Variants in C2CD5 observed in about 807,000 individuals in gnomAD.
C2CD5 encodes the protein C2 calcium dependent domain containing 5.
In C2CD5, 109 loss-of-function variants were observed where a neutral mutation model predicts 130.3. The observed-to-expected ratio is 0.84, with a 90% CI of 0.72 to 0.98. The LOEUF (loss-of-function observed/expected upper bound fraction) is 0.98, where lower values mean the gene tolerates loss of function less well. Ranked by LOEUF, C2CD5 falls within the 50% of genes least tolerant of loss-of-function variation. The pLI is 0.00. For synonymous variants in C2CD5, 454 were observed against 429.2 expected (o/e 1.06, Z -0.71); for missense variants, 996 against 1,261.8 (o/e 0.79, Z 3.19).
intron 9 of C2CD5, among the ~76,000 whole-genome samples, chr12:22,512,995 C>A (rs1949355601): frequency 6.6e-6 from 1 of 151,844 alleles, no homozygotes; most frequent in Admixed American, 6.6e-5. Context: ...TTTACCATCT[C>A]CTTTCCAATG....
At chr12:22,526,826 A>C (rs539712033) in intron 4 of C2CD5, among the ~76,000 whole-genome samples, 1 of 152,358 alleles carries the variant, frequency 6.6e-6, no homozygotes, top group East Asian at 1.9e-4. Context: ...ACTTCATGTC[A>C]AATTCATACT....
At position 22,528,021 on chromosome 12, in the gene C2CD5, G is replaced by A. The variant is rs1950883618; in HGVS notation, c.178-129C>T. On this transcript the variant is annotated intron_variant, in intron 3 of 26. Transcript: ENST00000446597. ...ATCTTACAGATTTCTAAGCACCAAA[G>A]TAAAGAAAAGAATTAACACACAAAA... 6 of 470,464 alleles carry A rather than the reference G, an allele frequency of 1.3e-5. No individual in the cohort carries two copies. In the South Asian group the frequency reaches 3.4e-4, roughly 27 times the overall value. 29.1% of individuals were successfully genotyped at this position (470,464 alleles called of 1,614,324 possible).
chr12:22,472,213 GAC>G, intron 18 of C2CD5, 71 bp downstream of exon 18: 1 of 957,906 alleles, frequency 1.0e-6, no homozygotes, highest in Non-Finnish European at 1.6e-6. Context: ...AAAAAAAAAA[GAC>G]AAATATTTAA....
chr12:22,505,832 T>A (rs866446563), intron 10 of C2CD5, among the ~76,000 whole-genome samples: 4 of 152,326 alleles, frequency 2.6e-5, no homozygotes, highest in Non-Finnish European at 4.4e-5. Flanking sequence ...AATAGCTACA[T>A]AAAAGAAACT....
In C2CD5 at chr12:22,527,815, G is replaced by A. The variant is rs1256427810; in HGVS notation, c.255C>T (p.Ala85=). The part of the protein sequence containing the change: ...LDHDTYSAND[A]IGKVYIDIDP... ...CAATATCAATGTACACTTTACCAAT[G>A]GCATCATTTGCACTGTAAGTATCAT... is the stretch of plus-strand genomic sequence containing the variant. The change falls in exon 4 of 27, where the codon GCC becomes GCT. Residue 85 remains alanine (A), a synonymous_variant. Transcript: ENST00000446597. 2.5e-6 allele frequency: 4 copies of A among 1,609,234 alleles called. No homozygotes were observed. In the African/African-American group the frequency reaches 5.4e-5, roughly 22 times the overall value.
At chr12:22,461,253 G>A (rs2136051419) in intron 22 of C2CD5, among the ~76,000 whole-genome samples, 1 of 152,276 alleles carries the variant, frequency 6.6e-6, no homozygotes, top group Admixed American at 6.5e-5. Flanking sequence ...CATATGTCTT[G>A]TGCAGTATAG....
chr12:22,526,587 C>T (rs1332488832), intron 4 of C2CD5, among the ~76,000 whole-genome samples: 1 of 151,998 alleles, frequency 6.6e-6, no homozygotes, highest in Non-Finnish European at 1.5e-5. Context: ...CTAAAAAATT[C>T]CAAGCCAGGA....
At chr12:22,457,240 G>A (rs1940077476) in intron 24 of C2CD5, 79 bp from the exon 25 acceptor site, 1 of 962,176 alleles carries the variant, frequency 1.0e-6, no homozygotes, top group Non-Finnish European at 1.5e-6. Flanking sequence ...CCAAATAAGT[G>A]GTGACAACAT....
Position 22,527,734 on chromosome 12 carries a change from A to G in C2CD5, c.336T>C (p.Tyr112=). 1 of 1,564,002 alleles carries G rather than the reference A, an allele frequency of 6.4e-7. No individual in the cohort carries two copies. ...ATVISGWFPI[Y]DTIHGIRGEI... ...ATTATTCCTTACCATGTATGGTGTC[A>G]TAAATTGGAAACCATCCTGAGATGA... The change falls in exon 4 of 27, where the codon TAT becomes TAC. Residue 112 remains tyrosine (Y), a synonymous_variant. Coordinates refer to ENST00000446597, the MANE Select transcript of C2CD5 (RefSeq NM_001286176.2).
At chr12:22,505,449 G>C (rs1432146324) in intron 10 of C2CD5, among the ~76,000 whole-genome samples, 1 of 151,744 alleles carries the variant, frequency 6.6e-6, no homozygotes, top group African/African-American at 2.4e-5. Context: ...TATTTTACAG[G>C]CATGAGCCAC....
chr12:22,473,975 T>C (rs1035385536), intron 16 of C2CD5, among the ~76,000 whole-genome samples: 3 of 152,128 alleles, frequency 2.0e-5, no homozygotes, highest in Non-Finnish European at 2.9e-5. Context: ...CACTCTCACC[T>C]TGGTTAGGCC....
At chr12:22,476,973 G>A (rs994437489) in intron 15 of C2CD5, among the ~76,000 whole-genome samples, 1 of 152,010 alleles carries the variant, frequency 6.6e-6, no homozygotes. Flanking sequence ...GTGGTGCACA[G>A]AGAACTTTTA....
chr12:22,501,295 T>C (rs1018999324), intron 10 of C2CD5, among the ~76,000 whole-genome samples: 2 of 152,090 alleles, frequency 1.3e-5, no homozygotes, highest in African/African-American at 2.4e-5. Flanking sequence ...TGTTTTTCTT[T>C]GCCAAACCGT....
In C2CD5 at chr12:22,475,575, G is replaced by GAACGCA. The variant is rs200004267; in HGVS notation, c.1903-690_1903-685dup. Among the ~76,000 whole-genome samples, 859 of 152,194 alleles carry GAACGCA rather than the reference G, an allele frequency of 5.6e-3. 17 individuals carry two copies. The East Asian group carries it at 0.061, about 11-fold the overall frequency. ...GAATGCTGGAAGAATATGAATACGT[G>GAACGCA]AACGCAAAAGCAAAAGCCATAGCCT... On this transcript the variant is annotated intron_variant, in intron 15 of 26. Transcript: ENST00000446597.
rs1937970998 is a variant in C2CD5, at chr12:22,448,967, CCTA to C, written c.*790_*792del. Reference sequence around the variant, plus strand: ...TCTTATTAGGAAATAATTTTATGTTCCTACTAAGTCAACTGCATTTTTACTACT... The same window carrying C: ...TCTTATTAGGAAATAATTTTATGTTCCTAAGTCAACTGCATTTTTACTACT... On this transcript the variant is annotated 3_prime_UTR_variant, in exon 27 of 27. Coordinates refer to ENST00000446597, the MANE Select transcript of C2CD5 (RefSeq NM_001286176.2). 6.6e-6 allele frequency: 1 copy of C among 152,370 alleles called. No homozygotes were observed. The allele number at this position is 152,370 out of a possible 1,614,324, so 9.4% of individuals were successfully genotyped here. A position where few individuals can be genotyped will look rare whatever the true frequency, so the allele number is the denominator to read the frequency against.
intron 12 of C2CD5, among the ~76,000 whole-genome samples, chr12:22,489,619 G>A (rs1410102709): frequency 6.6e-6 from 1 of 152,088 alleles, no homozygotes; most frequent in Non-Finnish European, 1.5e-5. Flanking sequence ...AGCATCTGCA[G>A]GTTTTGGTAT....
chr12:22,535,698 T>G (rs1277697204), intron 2 of C2CD5, among the ~76,000 whole-genome samples: 2 of 152,140 alleles, frequency 1.3e-5, no homozygotes, highest in African/African-American at 2.4e-5. Context: ...ACAGCTGTCT[T>G]TAACCACATC....
intron 22 of C2CD5, among the ~76,000 whole-genome samples, chr12:22,468,797 T>C (rs1200837550): frequency 6.6e-6 from 1 of 152,190 alleles, no homozygotes; most frequent in African/African-American, 2.4e-5. Flanking sequence ...AAACAGACTT[T>C]GTACTGATTT....
intron 12 of C2CD5, among the ~76,000 whole-genome samples, chr12:22,485,404 G>C (rs1315378235): frequency 6.6e-6 from 1 of 151,486 alleles, no homozygotes; most frequent in Admixed American, 6.6e-5. Context: ...GCACAACAAG[G>C]TGACTATAAT....
Sources: gnomAD v4.1 joint callset for allele counts (sites outside exome capture counted in the v4.1 genomes callset) on GRCh38, gnomAD v4.1.1 for gene constraint, MANE v1.5 for transcripts, NCBI Gene and HGNC (gene_info 2026-07-23, HGNC 2026-07-21) for gene names.